The following RIC1 variants were observed in gnomAD, a reference collection of about 807,000 sequenced individuals.
The protein encoded by RIC1 is RIC1 partner of RAB6A GEF complex.
A neutral mutation model predicts 169.0 loss-of-function variants in RIC1; 88 were observed. The observed-to-expected ratio is 0.52, with a 90% CI of 0.44 to 0.62. The LOEUF is 0.62. Among genes scored for constraint, RIC1 ranks in the 20% least tolerant of loss-of-function variants. RIC1 has a pLI of 0.00. For missense variants in RIC1, 1,877 were observed against 1,725.5 expected (o/e 1.09, Z -1.56); for synonymous variants, 790 against 601.5 (o/e 1.31, Z -4.59).
chr9:5,673,906 T>A (rs1349374224), intron 2 of RIC1, among the ~76,000 whole-genome samples: 1 of 152,040 alleles, frequency 6.6e-6, no homozygotes. Context: ...GATAAAATAA[T>A]GTCATAAAAG....
At chr9:5,716,179 C>A (rs561947248) in intron 4 of RIC1, among the ~76,000 whole-genome samples, 101 of 152,158 alleles carry the variant, frequency 6.6e-4, no homozygotes, top group African/African-American at 2.4e-3. Context: ...TTAACACACA[C>A]GCACACCTGG....
chr9:5,773,907 C>G, intron 25 of RIC1, 51 bp from the exon 26 acceptor site: 1 of 1,485,664 alleles, frequency 6.7e-7, no homozygotes, highest in Non-Finnish European at 9.1e-7. Context: ...AATGTTCTAC[C>G]AAACCTTTTG....
chr9:5,711,682 C>T (rs147479057), intron 3 of RIC1, among the ~76,000 whole-genome samples: 3 of 152,096 alleles, frequency 2.0e-5, no homozygotes, highest in South Asian at 4.2e-4. Flanking sequence ...CCCATTAACT[C>T]GTCATTTACA....
intron 8 of RIC1, among the ~76,000 whole-genome samples, chr9:5,742,155 T>C (rs544050087): frequency 6.6e-6 from 1 of 152,288 alleles, no homozygotes; most frequent in African/African-American, 2.4e-5. Flanking sequence ...TTTTTCTCAT[T>C]CTCTCTTATA....
At chr9:5,679,986 A>G (rs866494788) in intron 2 of RIC1, among the ~76,000 whole-genome samples, 51 of 152,328 alleles carry the variant, frequency 3.3e-4, no homozygotes, top group African/African-American at 1.2e-3. Flanking sequence ...TTTGTCATAG[A>G]TAGCTCTTAC....
chr9:5,724,489 A>G (rs1014200143), intron 6 of RIC1, among the ~76,000 whole-genome samples: 1 of 152,206 alleles, frequency 6.6e-6, no homozygotes, highest in East Asian at 1.9e-4. Flanking sequence ...TAGATATACA[A>G]TCATGTCATC....
chr9:5,718,121 C>T (rs1381157387), intron 4 of RIC1, among the ~76,000 whole-genome samples: 4 of 96,502 alleles, frequency 4.1e-5, no homozygotes, highest in African/African-American at 1.7e-4. Context: ...GCTTGGGCAA[C>T]AGAGCAAGAC....
intron 2 of RIC1, among the ~76,000 whole-genome samples, chr9:5,680,441 G>C (rs969928877): frequency 6.6e-6 from 1 of 152,096 alleles, no homozygotes; most frequent in Non-Finnish European, 1.5e-5. Flanking sequence ...TGTACCTCTG[G>C]TAGAATTCAG....
chr9:5,705,769 C>G (rs181762856), intron 3 of RIC1, among the ~76,000 whole-genome samples: 150 of 152,296 alleles, frequency 9.8e-4, no homozygotes, highest in African/African-American at 2.8e-3. Flanking sequence ...AAGATGTTAG[C>G]TGTGCGCTTT....
At chr9:5,764,276 T>C (rs1020705855) in intron 19 of RIC1, among the ~76,000 whole-genome samples, 11 of 152,190 alleles carry the variant, frequency 7.2e-5, no homozygotes, top group African/African-American at 2.2e-4. Context: ...AACAGTAGAT[T>C]TGTTTCCTTT....
chr9:5,672,021 G>A (rs551588422), intron 2 of RIC1, among the ~76,000 whole-genome samples: 1 of 152,196 alleles, frequency 6.6e-6, no homozygotes, highest in African/African-American at 2.4e-5. Flanking sequence ...TAGAGTAGAG[G>A]TTGCACAGGT....
intron 1 of RIC1, among the ~76,000 whole-genome samples, chr9:5,644,162 C>G (rs989497480): frequency 6.6e-6 from 1 of 152,172 alleles, no homozygotes; most frequent in South Asian, 2.1e-4. Context: ...TCCATAATCA[C>G]AGTCTAGTTT....
Position 5,757,383 on chromosome 9 carries a change from C to A in RIC1, c.1924C>A (p.Leu642Met), listed in dbSNP as rs751276569. The A allele has an allele frequency of 4.5e-5, 72 of 1,613,926 alleles. No homozygotes were observed. The highest frequency in any genetic ancestry group is 5.7e-5 in the Non-Finnish European group (67 of 1,179,930). The change falls in exon 17 of 26, where the codon CTG becomes ATG. Residue 642 changes from leucine (L) to methionine (M), a missense_variant. Leu to Met is a conservative substitution (Grantham distance 15). Around this residue, in one of 3 missense-constraint regions of RIC1, gnomAD observed 1,104 missense variants for 992.0 expected, o/e 1.11. Transcript: ENST00000414202. Reference sequence around the variant, plus strand: ...GTCACGCTACATTCCTCACCCTTTCCTGGTGGTATCTGTCACTCTGACATC... The same window carrying A: ...GTCACGCTACATTCCTCACCCTTTCATGGTGGTATCTGTCACTCTGACATC... ...SMSRYIPHPF[L>M]VVSVTLTSVS...
At chr9:5,666,211 A>G (rs763823829) in intron 2 of RIC1, among the ~76,000 whole-genome samples, 15 of 152,238 alleles carry the variant, frequency 9.9e-5, no homozygotes, top group Admixed American at 7.2e-4. Flanking sequence ...ATGATCTGGC[A>G]GTGTGGCTGT....
At position 5,720,602 on chromosome 9, in the gene RIC1, T is replaced by G; in HGVS notation, c.584-12T>G. 1 of 1,576,278 alleles carries G rather than the reference T, an allele frequency of 6.3e-7. No individual in the cohort carries two copies. Among genetic ancestry groups the G allele is most frequent in the Non-Finnish European group, 8.6e-7 (1 of 1,168,886 alleles). ...TCTTAATCCTATTTCATGTGCTTAT[T>G]TTTTTCATCAGTAGGTTCATTCCTG... On this transcript the variant is annotated splice_polypyrimidine_tract_variant and intron_variant, in intron 5 of 25. Coordinates refer to ENST00000414202, the MANE Select transcript of RIC1 (RefSeq NM_020829.4).
intron 3 of RIC1, among the ~76,000 whole-genome samples, chr9:5,708,873 A>G (rs944625738): frequency 6.6e-6 from 1 of 151,758 alleles, no homozygotes; most frequent in East Asian, 1.9e-4. Flanking sequence ...AGGCGTTGGT[A>G]TTTATGATGT....
chr9:5,720,727 G>T lies in RIC1; in HGVS notation c.697G>T (p.Val233Leu), dbSNP rs769180682. The T allele has an allele frequency of 1.2e-6, 2 of 1,609,172 alleles. No homozygotes were observed. Among genetic ancestry groups the T allele is most frequent in the Non-Finnish European group, 1.7e-6 (2 of 1,178,258 alleles). The change falls in exon 6 of 26, where the codon GTG becomes TTG. Residue 233 changes from valine (V) to leucine (L), a missense_variant. Val to Leu is a conservative substitution (Grantham distance 32). Around this residue, in one of 3 missense-constraint regions of RIC1, gnomAD observed 1,104 missense variants for 992.0 expected, o/e 1.11. Coordinates refer to ENST00000414202, the MANE Select transcript of RIC1 (RefSeq NM_020829.4). ...NDGKVGFITP[V>L]SSRFTAEQLH... ...TGGTAAAGTTGGATTTATTACACCAGTGTCAAGTAGATTTACTGCAGAGGT... is the reference window on the plus strand; with the variant it reads ...TGGTAAAGTTGGATTTATTACACCATTGTCAAGTAGATTTACTGCAGAGGT...
Position 5,728,388 on chromosome 9 carries a change from G to T in RIC1, c.721-4000G>T, listed in dbSNP as rs1383178499. Among the ~76,000 whole-genome samples the T allele has an allele frequency of 3.3e-5, 5 of 152,356 alleles. No homozygotes were observed. In the Middle Eastern group the frequency reaches 0.014, roughly 415 times the overall value. Reference sequence around the variant, plus strand: ...TGGTGTGCTGTTTGCTAAGACCATTGGAAAAGCGCAGTATTAGGGTGGGAG... The same window carrying T: ...TGGTGTGCTGTTTGCTAAGACCATTTGAAAAGCGCAGTATTAGGGTGGGAG... On this transcript the variant is annotated intron_variant, in intron 6 of 25. Transcript: ENST00000414202.
At chr9:5,630,119 C>T (rs1817648701) in intron 1 of RIC1, among the ~76,000 whole-genome samples, 1 of 152,174 alleles carries the variant, frequency 6.6e-6, no homozygotes, top group African/African-American at 2.4e-5. Flanking sequence ...GCGGAACTCC[C>T]AGTTATAACA....
Sources: gnomAD v4.1 joint callset for allele counts (sites outside exome capture counted in the v4.1 genomes callset) on GRCh38, gnomAD v4.1.1 for gene constraint, gnomAD v4.1.1 regional missense constraint, MANE v1.5 for transcripts, NCBI Gene and HGNC (gene_info 2026-07-23, HGNC 2026-07-21) for gene names.